The following CTC1 variants were observed in gnomAD, a reference collection of about 807,000 sequenced individuals.
CTC1 encodes CST telomere replication complex component 1, also known as CST complex subunit CTC1.
Under a neutral mutation model 136.3 loss-of-function variants are expected in CTC1, and 91 were observed. That is an observed-to-expected ratio of 0.67 (90% CI 0.56 to 0.79). The LOEUF (loss-of-function observed/expected upper bound fraction) is 0.79. Among genes scored for constraint, CTC1 ranks in the 30% least tolerant of loss-of-function variants. The pLI is 0.00. For synonymous variants in CTC1, 606 were observed against 613.8 expected, an observed-to-expected ratio of 0.99 and a Z score of 0.19; for missense variants, 1,432 against 1,498.1, an observed-to-expected ratio of 0.96 and a Z score of 0.73.
In CTC1 at chr17:8,225,816, T is replaced by TA. The variant is rs1396977869; in HGVS notation, c.*2363_*2364insT. On this transcript the variant is annotated 3_prime_UTR_variant, in exon 23 of 23. Transcript: ENST00000651323. ...TAAATACTGTATATTTAAATATATATTTTTATATTATATACTATATATATA... is the reference window on the plus strand; with the variant it reads ...TAAATACTGTATATTTAAATATATATATTTTATATTATATACTATATATATA... 4.6e-5 allele frequency: 7 copies of TA among 150,594 alleles called. No homozygotes were observed. The highest frequency in any genetic ancestry group is 7.4e-5 in the Non-Finnish European group (5 of 67,768). The allele number at this position is 150,594 out of a possible 1,614,324, so 9.3% of individuals were successfully genotyped here. A position where few individuals can be genotyped will look rare whatever the true frequency, so the allele number is the denominator to read the frequency against.
chr17:8,235,094 G>C lies in CTC1; in HGVS notation c.1398C>G (p.Leu466=), dbSNP rs777305874. Reference sequence around the variant, plus strand: ...CCAGGGCCTTGGTAGCCCACAGGTAGAGGGGAAGTCCTAACTGACGTTCCC... The same window carrying C: ...CCAGGGCCTTGGTAGCCCACAGGTACAGGGGAAGTCCTAACTGACGTTCCC... ...LVWERQLGLP[L]YLWATKALEE... The change falls in exon 8 of 23, where the codon CTC becomes CTG. Residue 466 remains leucine, a synonymous_variant. Transcript: ENST00000651323. 4 of 1,614,206 alleles carry C rather than the reference G, an allele frequency of 2.5e-6. No individual in the cohort carries two copies. Among genetic ancestry groups the C allele is most frequent in the Non-Finnish European group, 3.4e-6 (4 of 1,180,040 alleles).
chr17:8,241,849 C>CAAAAAAA (rs59476896), intron 2 of CTC1, among the ~76,000 whole-genome samples: 1 of 96,346 alleles, frequency 1.0e-5, no homozygotes, highest in Non-Finnish European at 1.9e-5. Context: ...GACCCTGTCT[C>CAAAAAAA]AAAAAAAAAA....
chr17:8,235,998 T>A, intron 6 of CTC1, 39 bp from the exon 7 acceptor site: 2 of 1,599,780 alleles, frequency 1.3e-6, no homozygotes, highest in Non-Finnish European at 1.7e-6. Context: ...ACTATTTTCT[T>A]CCTCTTTGAA....
intron 1 of CTC1, among the ~76,000 whole-genome samples, chr17:8,243,758 A>G (rs1015984012): frequency 6.6e-6 from 1 of 152,080 alleles, no homozygotes; most frequent in Non-Finnish European, 1.5e-5. Context: ...ATTGTTGAAC[A>G]ATCCTTTAAA....
intron 1 of CTC1, among the ~76,000 whole-genome samples, chr17:8,243,515 G>A (rs112210430): frequency 1.5e-3 from 218 of 146,698 alleles, no homozygotes; most frequent in African/African-American, 5.0e-3. Context: ...GGGAAACTCC[G>A]TCTCAAAAAA....
Position 8,229,438 on chromosome 17 carries a change from AG to A in CTC1, c.3019del (p.Leu1007CysfsTer62), listed in dbSNP as rs199473680. On this transcript the variant is annotated frameshift_variant, in exon 19 of 23. Transcript: ENST00000651323. LOFTEE classifies it high-confidence loss of function. ...FPPETTISIP[L>X]PHIYLAELLQ... ...AAGTTCAGCCAGGTAGATGTGGGGC[AG>A]GGGAATGCTAAATAAATACAGGGAG... 260 of 1,613,124 alleles carry A rather than the reference AG, an allele frequency of 1.6e-4. No individual in the cohort carries two copies. Among genetic ancestry groups the A allele is most frequent in the Non-Finnish European group, 1.7e-4 (199 of 1,179,180 alleles).
At chr17:8,235,441 T>C in intron 7 of CTC1, 156 bp from the exon 8 acceptor site, 1 of 626,148 alleles carries the variant, frequency 1.6e-6, no homozygotes, top group East Asian at 2.7e-5. Context: ...TACAACCCAC[T>C]CCCGCTGCGG....
chr17:8,239,619 A>G (rs923589545), intron 2 of CTC1, among the ~76,000 whole-genome samples: 1 of 150,454 alleles, frequency 6.6e-6, no homozygotes, highest in Non-Finnish European at 1.5e-5. Flanking sequence ...ATGGGGTTTC[A>G]CCATGTTGTC....
intron 18 of CTC1, among the ~76,000 whole-genome samples, 163 bp from the exon 19 acceptor site, chr17:8,229,609 T>G (rs560132520): frequency 2.0e-5 from 3 of 152,330 alleles, no homozygotes; most frequent in Admixed American, 6.5e-5. Context: ...TGATCTCTGA[T>G]AGTCATTGGT....
intron 1 of CTC1, among the ~76,000 whole-genome samples, chr17:8,245,760 C>G (rs938761576): frequency 6.6e-6 from 1 of 152,048 alleles, no homozygotes; most frequent in South Asian, 2.1e-4. Flanking sequence ...AAGGCAAAGA[C>G]CCGTCTCTAC....
Position 8,228,227 on chromosome 17 carries a change from C to G in CTC1, c.3607G>C (p.Glu1203Gln). Residue 1203 changes from glutamate (E) to glutamine (Q), a missense_variant, in exon 23 of 23, where the codon GAG becomes CAG. By Grantham distance (29) the Glu-to-Gln change is conservative (BLOSUM62 2). Transcript: ENST00000651323. ...RLRLSCLSIR[E>Q]SEYSSSLGIL... Reference sequence around the variant, plus strand: ...CCCAGAGAGCTGGAGTACTCTGACTCTCGGATAGAAAGGCAGGACAATCGG... The same window carrying G: ...CCCAGAGAGCTGGAGTACTCTGACTGTCGGATAGAAAGGCAGGACAATCGG... 2 of 1,614,070 alleles carry G rather than the reference C, an allele frequency of 1.2e-6. No homozygotes were observed. The highest frequency in any genetic ancestry group is 8.5e-7 in the Non-Finnish European group (1 of 1,179,990).
rs1986732820 is a variant in CTC1 at position 8,226,789 on chromosome 17, G to A, written c.*1391C>T. 6.6e-6 allele frequency: 1 copy of A among 151,574 alleles called. No homozygotes were observed. The highest frequency in any genetic ancestry group is 6.6e-5 in the Admixed American group (1 of 15,246). 9.4% of individuals were successfully genotyped at this position (151,574 alleles called of 1,614,324 possible). A position where few individuals can be genotyped will look rare whatever the true frequency, so the allele number is the denominator to read the frequency against. On this transcript the variant is annotated 3_prime_UTR_variant, in exon 23 of 23. Transcript: ENST00000651323. ...AGCGCTTCAGGGAAAAAAAGACGCGGCGGTTGCACGTGAACCTTCCTTTCA... is the reference window on the plus strand; with the variant it reads ...AGCGCTTCAGGGAAAAAAAGACGCGACGGTTGCACGTGAACCTTCCTTTCA...
intron 1 of CTC1, 177 bp downstream of exon 1, chr17:8,247,827 G>A (rs1988887747): frequency 4.7e-6 from 3 of 640,066 alleles, no homozygotes; most frequent in Middle Eastern, 3.1e-4. Context: ...GCGTGAATGA[G>A]GGAATAAACA....
intron 15 of CTC1, chr17:8,230,891 C>T (rs1597376427): frequency 3.7e-6 from 2 of 535,694 alleles, no homozygotes; most frequent in East Asian, 3.2e-5. Flanking sequence ...AATCCCAGCA[C>T]TTTGGGAGGC....
At chr17:8,242,700 G>C (rs1988376935) in intron 2 of CTC1, among the ~76,000 whole-genome samples, 5 of 151,078 alleles carry the variant, frequency 3.3e-5, no homozygotes, top group Admixed American at 3.3e-4. Flanking sequence ...ACAAAATAAA[G>C]ATAACACCAG....
intron 2 of CTC1, among the ~76,000 whole-genome samples, chr17:8,240,156 CTTT>C (rs397969607): frequency 5.0e-5 from 7 of 139,970 alleles, no homozygotes; most frequent in East Asian, 2.1e-4. Context: ...AGAACTGTCT[CTTT>C]TTTTTTTTTT....
chr17:8,232,750 T>C, intron 11 of CTC1, 156 bp downstream of exon 11: 2 of 1,010,976 alleles, frequency 2.0e-6, no homozygotes, highest in Non-Finnish European at 3.0e-6. Flanking sequence ...CTTGCTCCTG[T>C]TCTCTGCCTG....
Position 8,228,602 on chromosome 17 carries a change from T to C in CTC1, c.3415A>G (p.Thr1139Ala), listed in dbSNP as rs760660240. The C allele has an allele frequency of 2.5e-6, 4 of 1,614,148 alleles. No homozygotes were observed. Among genetic ancestry groups the C allele is most frequent in the Non-Finnish European group, 3.4e-6 (4 of 1,180,030 alleles). The change falls in exon 22 of 23, where the codon ACC (threonine) becomes GCC (alanine). Residue 1139 changes from threonine (T) to alanine (A), a missense_variant. By Grantham distance (58) the Thr-to-Ala change is moderately conservative (BLOSUM62 0). Coordinates refer to ENST00000651323, the MANE Select transcript of CTC1 (RefSeq NM_025099.6). Reference protein sequence around the residue: ...ESSARVDEPMTMFLWTLCTSP... With the variant: ...ESSARVDEPMAMFLWTLCTSP... ...GTACAAAGTGTCCAGAGGAACATGG[T>C]CATGGGCTCGTCAACCCTGGCTGAA...
rs781404123 is a variant in CTC1 at position 8,231,717 on chromosome 17, G to C, written c.2475+9C>G. 8.1e-6 allele frequency: 13 copies of C among 1,612,092 alleles called. 1 individual carries two copies. In the South Asian group the frequency reaches 1.3e-4, roughly 16 times the overall value. On this transcript the variant is annotated intron_variant, in intron 14 of 22. Coordinates refer to ENST00000651323, the MANE Select transcript of CTC1 (RefSeq NM_025099.6). ...TCTGGGGAAAGGTATGATGAAGTAG[G>C]ACACTCACAGCGGGGCCAGGAGCTA...
Sources: allele counts gnomAD v4.1 joint callset (sites outside exome capture counted in the v4.1 genomes callset), GRCh38; gene constraint gnomAD v4.1.1; transcripts MANE v1.5; gene names NCBI Gene and HGNC (gene_info 2026-07-23, HGNC 2026-07-21).